Variants in ACVR1B observed in about 807,000 individuals in gnomAD.
ACVR1B encodes the protein activin receptor type-1B.
ACVR1B carries 15 observed loss-of-function variants against 55.6 expected under a neutral mutation model. That is an observed-to-expected ratio of 0.27 (90% CI 0.18 to 0.42). The LOEUF is 0.42. ACVR1B is among the 10% of genes least tolerant of loss of function. The pLI is 1.00. For missense variants in ACVR1B, 359 were observed against 670.1 expected (o/e 0.54, Z 5.13); for synonymous variants, 247 against 254.6 (o/e 0.97, Z 0.28).
rs2120601811 is a variant in ACVR1B, at chr12:51,975,466, C to T, written c.293C>T (p.Thr98Ile). 1 of 1,614,250 alleles carries T rather than the reference C, an allele frequency of 6.2e-7. No individual in the cohort carries two copies. Among genetic ancestry groups the T allele is most frequent in the Non-Finnish European group, 8.5e-7 (1 of 1,180,040 alleles). ...CTGCGCAACACCCACTGCTGCTACA[C>T]TGACTACTGCAACAGGATCGACTTG... ...EDLRNTHCCY[T>I]DYCNRIDLRV... Residue 98 changes from threonine to isoleucine, a missense_variant, in exon 2 of 9, where the codon ACT becomes ATT. Physicochemically the swap from Thr to Ile is moderately conservative, Grantham distance 89. This residue lies in a region of ACVR1B where 133 missense variants were observed against 188.2 expected (regional missense o/e 0.71). Transcript: ENST00000257963.
chr12:51,993,006 C>T (rs1002268824), intron 8 of ACVR1B, among the ~76,000 whole-genome samples: 13 of 152,156 alleles, frequency 8.5e-5, no homozygotes, highest in South Asian at 2.1e-4. Flanking sequence ...CCAACTCTAT[C>T]GAGGTGTGAT....
intron 1 of ACVR1B, among the ~76,000 whole-genome samples, chr12:51,957,317 G>A (rs1263213345): frequency 6.6e-6 from 1 of 151,722 alleles, no homozygotes; most frequent in Non-Finnish European, 1.5e-5. Context: ...GTGGTGGTGT[G>A]CCTGTAATCC....
chr12:51,984,335 T>C (rs779325240), intron 5 of ACVR1B, among the ~76,000 whole-genome samples, 169 bp downstream of exon 5: 49 of 152,238 alleles, frequency 3.2e-4, no homozygotes, highest in Non-Finnish European at 6.0e-4. Context: ...GTGAGGTATC[T>C]ACAGGGTGTT....
At chr12:51,978,355 A>G (rs1221552864) in intron 3 of ACVR1B, among the ~76,000 whole-genome samples, 2 of 152,098 alleles carry the variant, frequency 1.3e-5, no homozygotes, top group South Asian at 4.1e-4. Flanking sequence ...GTTAATAACT[A>G]TTTCCCTCTG....
chr12:51,992,029 C>A (rs1261618652), intron 8 of ACVR1B, 36 bp downstream of exon 8: 1 of 1,614,150 alleles, frequency 6.2e-7, no homozygotes, highest in South Asian at 1.1e-5. Context: ...TCCCATCAGC[C>A]TGATTTCTCC....
intron 1 of ACVR1B, among the ~76,000 whole-genome samples, chr12:51,967,033 G>A (rs948196654): frequency 6.6e-6 from 1 of 151,992 alleles, no homozygotes; most frequent in Admixed American, 6.5e-5. Context: ...AAGGTCAGGA[G>A]ATCGAGACCA....
At position 51,994,274 on chromosome 12, in the gene ACVR1B, T is replaced by C; in HGVS notation, c.*164T>C. 1.0e-6 allele frequency: 1 copy of C among 954,612 alleles called. No individual in the cohort carries two copies. The highest frequency in any genetic ancestry group is 1.7e-5 in the South Asian group (1 of 60,482). 59.1% of individuals were successfully genotyped at this position (954,612 alleles called of 1,614,324 possible). A position where few individuals can be genotyped will look rare whatever the true frequency, so the allele number is the denominator to read the frequency against. ...CCCGGGAGAGACTCGCTCACTCCCA[T>C]GTTGGGTTTGAGACAGACACCTTTT... On this transcript the variant is annotated 3_prime_UTR_variant, in exon 9 of 9. Coordinates refer to ENST00000257963, the MANE Select transcript of ACVR1B (RefSeq NM_004302.5). The surrounding 1 kb of genome is among the most constrained non-coding windows in gnomAD (Gnocchi z 4.2).
chr12:51,982,554 C>A, intron 4 of ACVR1B: 1 of 1,006,972 alleles, frequency 9.9e-7, no homozygotes, highest in Non-Finnish European at 1.3e-6. Context: ...CTGTGAGTGG[C>A]TGGTTCACAT....
At chr12:51,973,579 G>C (rs1941788768) in intron 1 of ACVR1B, among the ~76,000 whole-genome samples, 1 of 152,204 alleles carries the variant, frequency 6.6e-6, no homozygotes, top group African/African-American at 2.4e-5. Context: ...CGATTCCTTA[G>C]TCTTTTTTGT....
Position 51,996,267 on chromosome 12 carries a change from A to C in ACVR1B, c.*2157A>C, listed in dbSNP as rs1179059897. On this transcript the variant is annotated 3_prime_UTR_variant, in exon 9 of 9. Coordinates refer to ENST00000257963, the MANE Select transcript of ACVR1B (RefSeq NM_004302.5). ...AGGTGTATTGTGTATGTAGCCTTAG[A>C]GCATCTCTGCCTCCAACCCAGCAGT... 1 of 152,534 alleles carries C rather than the reference A, an allele frequency of 6.6e-6. No individual in the cohort carries two copies. Among genetic ancestry groups the C allele is most frequent in the Non-Finnish European group, 1.5e-5 (1 of 68,054 alleles). The allele number at this position is 152,534 out of a possible 1,614,324, so 9.4% of individuals were successfully genotyped here. A position where few individuals can be genotyped will look rare whatever the true frequency, so the allele number is the denominator to read the frequency against.
intron 1 of ACVR1B, among the ~76,000 whole-genome samples, chr12:51,964,022 G>A (rs559981124): frequency 3.0e-4 from 46 of 152,264 alleles, no homozygotes; most frequent in Middle Eastern, 3.4e-3. Flanking sequence ...GTTTTGATTT[G>A]CATTTGAATT....
chr12:51,984,078 C>T lies in ACVR1B; in HGVS notation c.891C>T (p.Tyr297=). The T allele has an allele frequency of 6.2e-7, 1 of 1,614,180 alleles. No homozygotes were observed. ...HGSLFDYLNR[Y]TVTIEGMIKL... is the part of the protein sequence containing the mutation. ...CCCTGTTTGATTATCTGAACCGGTA[C>T]ACAGTGACAATTGAGGGGATGATTA... Residue 297 remains tyrosine (Y), a synonymous_variant, in exon 5 of 9, where the codon TAC becomes TAT. Coordinates refer to ENST00000257963, the MANE Select transcript of ACVR1B (RefSeq NM_004302.5).
Position 51,976,475 on chromosome 12 carries a change from G to A in ACVR1B, c.480G>A (p.Gln160=), listed in dbSNP as rs1486419907. The A allele has an allele frequency of 6.2e-7, 1 of 1,614,120 alleles. No homozygotes were observed. Among genetic ancestry groups the A allele is most frequent in the South Asian group, 1.1e-5 (1 of 91,084 alleles). The change falls in exon 3 of 9, where the codon CAG becomes CAA. Residue 160 remains glutamine (Q), a synonymous_variant. Transcript: ENST00000257963. ...ATCAGCGTGTCTATCACAACCGCCA[G>A]AGACTGGACATGGAAGATCCCTCAT... The part of the protein sequence containing the change: ...NYHQRVYHNR[Q]RLDMEDPSCE...
intron 1 of ACVR1B, among the ~76,000 whole-genome samples, chr12:51,971,380 C>G (rs1415254814): frequency 6.6e-6 from 1 of 152,180 alleles, no homozygotes; most frequent in Non-Finnish European, 1.5e-5. Context: ...TTTGTTCTGA[C>G]CACTTCCTAA....
At chr12:51,971,079 T>C (rs1592249730) in intron 1 of ACVR1B, among the ~76,000 whole-genome samples, 1 of 151,902 alleles carries the variant, frequency 6.6e-6, no homozygotes, top group Non-Finnish European at 1.5e-5. Flanking sequence ...TGTGTGGCGG[T>C]TTTTGAGAAT....
intron 1 of ACVR1B, among the ~76,000 whole-genome samples, chr12:51,958,356 A>G (rs1366004784): frequency 6.6e-6 from 1 of 152,094 alleles, no homozygotes; most frequent in East Asian, 1.9e-4. Flanking sequence ...AGTAGGGGAG[A>G]TATGATTTTG....
intron 6 of ACVR1B, among the ~76,000 whole-genome samples, 195 bp downstream of exon 6, chr12:51,985,543 G>A (rs953583159): frequency 8.5e-5 from 13 of 152,254 alleles, no homozygotes; most frequent in Admixed American, 8.5e-4. Context: ...AGATACAAGT[G>A]CTGAGAGCAC....
At chr12:51,975,610 T>A in intron 2 of ACVR1B, 106 bp downstream of exon 2, 2 of 1,427,886 alleles carry the variant, frequency 1.4e-6, no homozygotes, top group Admixed American at 2.3e-5. Flanking sequence ...ACGATAAAGA[T>A]GCCTTTTGGA....
At chr12:51,960,958 C>T (rs549873412) in intron 1 of ACVR1B, among the ~76,000 whole-genome samples, 35 of 152,224 alleles carry the variant, frequency 2.3e-4, no homozygotes, top group African/African-American at 7.5e-4. Flanking sequence ...TGGCATTGTT[C>T]GAACTGTCAA....
Sources: gnomAD v4.1 joint callset for allele counts (sites outside exome capture counted in the v4.1 genomes callset) on GRCh38, gnomAD v4.1.1 for gene constraint, gnomAD v4.1.1 regional missense constraint, Gnocchi (gnomAD v3.1) non-coding constraint, MANE v1.5 for transcripts, NCBI Gene and HGNC (gene_info 2026-07-23, HGNC 2026-07-21) for gene names.